Variants in PPP6R3 observed in about 807,000 individuals in gnomAD.
PPP6R3 encodes protein phosphatase 6 regulatory subunit 3.
A neutral mutation model predicts 110.7 loss-of-function variants in PPP6R3; 38 were observed. The observed-to-expected ratio is 0.34, with a 90% CI of 0.26 to 0.45. The LOEUF is 0.45. Ranked by LOEUF, PPP6R3 falls within the 20% of genes least tolerant of loss-of-function variation. The probability of loss-of-function intolerance (pLI) is 1.00; values close to 1 mark genes in which losing one functional copy is unlikely to be tolerated. For missense variants in PPP6R3, 870 were observed against 1,062.4 expected (o/e 0.82, Z 2.52); for synonymous variants, 369 against 373.5 (o/e 0.99, Z 0.14).
Position 68,569,915 on chromosome 11 carries a change from C to T in PPP6R3, c.1278+18C>T, listed in dbSNP as rs1295011542. On this transcript the variant is annotated intron_variant, in intron 11 of 23. Transcript: ENST00000393800. ...TAAAACATGTAAGCTTATTTGGTCT[C>T]GTTTTTCTCCCACTCTCTCCTGGTT... 6.3e-6 allele frequency: 10 copies of T among 1,590,706 alleles called. No homozygotes were observed. The highest frequency in any genetic ancestry group is 8.6e-6 in the Non-Finnish European group (10 of 1,163,684).
chr11:68,579,138 G>A (rs955658815), intron 14 of PPP6R3, among the ~76,000 whole-genome samples: 1 of 152,210 alleles, frequency 6.6e-6, no homozygotes, highest in Non-Finnish European at 1.5e-5. Flanking sequence ...AGGAGTTTCC[G>A]CAGGTTGGGG....
intron 1 of PPP6R3, among the ~76,000 whole-genome samples, chr11:68,512,074 G>T (rs1055470248): frequency 2.6e-5 from 4 of 152,136 alleles, no homozygotes; most frequent in Non-Finnish European, 5.9e-5. Context: ...AGCTAGACCT[G>T]TTGAGACTGT....
At chr11:68,528,438 G>GT (rs911656571) in intron 2 of PPP6R3, among the ~76,000 whole-genome samples, 1 of 145,952 alleles carries the variant, frequency 6.9e-6, no homozygotes, top group Non-Finnish European at 1.5e-5. Context: ...GTGTGTGGGG[G>GT]GGGGGGCTGC....
intron 1 of PPP6R3, among the ~76,000 whole-genome samples, chr11:68,513,622 A>G (rs1293218150): frequency 6.6e-6 from 1 of 152,242 alleles, no homozygotes; most frequent in Non-Finnish European, 1.5e-5. Context: ...AAAAACTACA[A>G]GAAATCTCTT....
chr11:68,608,541 C>G (rs1456784144), intron 22 of PPP6R3, among the ~76,000 whole-genome samples: 1 of 152,192 alleles, frequency 6.6e-6, no homozygotes, highest in African/African-American at 2.4e-5. Flanking sequence ...CTCTTCACTC[C>G]TGGGTGTCAA....
rs554891233 is a variant in PPP6R3 at position 68,576,918 on chromosome 11, G to A, written c.1545+875G>A. On this transcript the variant is annotated intron_variant, in intron 14 of 23. Transcript: ENST00000393800. Reference sequence around the variant, plus strand: ...TCTGAAAGCCAGAGAGCAGCCACTTGGTCCTCCTGTGTCACTCCCTGGAGG... The same window carrying A: ...TCTGAAAGCCAGAGAGCAGCCACTTAGTCCTCCTGTGTCACTCCCTGGAGG... 4.6e-5 allele frequency among the ~76,000 whole-genome samples: 7 copies of A among 152,312 alleles called. No individual in the cohort carries two copies. In the South Asian group the frequency reaches 1.2e-3, roughly 27 times the overall value.
intron 2 of PPP6R3, among the ~76,000 whole-genome samples, chr11:68,529,328 C>T (rs536658751): frequency 1.3e-5 from 2 of 152,266 alleles, no homozygotes; most frequent in East Asian, 1.9e-4. Context: ...AAGTGATTCT[C>T]CTGCCTCAAC....
intron 13 of PPP6R3, among the ~76,000 whole-genome samples, 179 bp downstream of exon 13, chr11:68,574,403 G>C (rs3824851): frequency 0.12 from 17,534 of 152,160 alleles, 1,652 homozygotes; most frequent in African/African-American, 0.26. Flanking sequence ...TTTTTTGGTT[G>C]TATTTATGTT....
At chr11:68,549,740 T>G (rs1447384454) in intron 5 of PPP6R3, among the ~76,000 whole-genome samples, 1 of 152,174 alleles carries the variant, frequency 6.6e-6, no homozygotes, top group Non-Finnish European at 1.5e-5. Flanking sequence ...GGGTTCAAGT[T>G]TAGGACCTGT....
chr11:68,568,322 A>G (rs1479964123), intron 10 of PPP6R3, among the ~76,000 whole-genome samples: 1 of 152,194 alleles, frequency 6.6e-6, no homozygotes, highest in Non-Finnish European at 1.5e-5. Context: ...ACTAATAACA[A>G]TATACAGTTA....
chr11:68,549,794 A>C (rs1011198342), intron 5 of PPP6R3, among the ~76,000 whole-genome samples: 2 of 152,146 alleles, frequency 1.3e-5, no homozygotes, highest in Admixed American at 1.3e-4. Context: ...AGAGAGAGCG[A>C]TAGGAGGTTG....
chr11:68,604,567 CAAAT>C (rs1447926274), intron 22 of PPP6R3, among the ~76,000 whole-genome samples: 3 of 152,224 alleles, frequency 2.0e-5, no homozygotes, highest in East Asian at 3.9e-4. Flanking sequence ...TGCAGCATTC[CAAAT>C]AAATAAATAG....
chr11:68,574,064 T>C, intron 12 of PPP6R3, 45 bp from the exon 13 acceptor site: 2 of 1,386,662 alleles, frequency 1.4e-6, no homozygotes, highest in Non-Finnish European at 2.1e-6. Context: ...TTTCATCACT[T>C]CATCCTATCA....
intron 1 of PPP6R3, among the ~76,000 whole-genome samples, chr11:68,490,393 A>T (rs12226585): frequency 0.58 from 87,588 of 151,586 alleles, 27,665 homozygotes; most frequent in South Asian, 0.8. Context: ...TTTGACTATG[A>T]TATTGCTCAG....
At chr11:68,578,366 C>T (rs555813810) in intron 14 of PPP6R3, among the ~76,000 whole-genome samples, 1 of 152,340 alleles carries the variant, frequency 6.6e-6, no homozygotes, top group South Asian at 2.1e-4. Flanking sequence ...GGTAGTTACA[C>T]TTGCCTTCTT....
chr11:68,517,868 G>T (rs575043485), intron 1 of PPP6R3, among the ~76,000 whole-genome samples: 4 of 152,126 alleles, frequency 2.6e-5, no homozygotes, highest in Admixed American at 2.6e-4. Flanking sequence ...AGCCCAGGAG[G>T]TGGAGGTTGC....
intron 19 of PPP6R3, among the ~76,000 whole-genome samples, chr11:68,599,273 G>T (rs1467987915): frequency 2.6e-5 from 4 of 152,264 alleles, no homozygotes; most frequent in Non-Finnish European, 5.9e-5. Context: ...TCAGCACTCT[G>T]TGAAGGAAAA....
chr11:68,557,890 T>C (rs1294129366), intron 7 of PPP6R3, among the ~76,000 whole-genome samples: 1 of 152,236 alleles, frequency 6.6e-6, no homozygotes, highest in Non-Finnish European at 1.5e-5. Flanking sequence ...TTGAGAATGT[T>C]CATATAAATT....
intron 9 of PPP6R3, among the ~76,000 whole-genome samples, chr11:68,566,646 CTACT>C (rs1255117312): frequency 6.6e-6 from 1 of 152,168 alleles, no homozygotes; most frequent in African/African-American, 2.4e-5. Context: ...TAGGCATGAG[CTACT>C]GTGCCCGGCC....
Sources: gnomAD v4.1 joint callset for allele counts (sites outside exome capture counted in the v4.1 genomes callset) on GRCh38, gnomAD v4.1.1 for gene constraint, MANE v1.5 for transcripts, NCBI Gene and HGNC (gene_info 2026-07-23, HGNC 2026-07-21) for gene names.